Variants in AKR1C1 observed in about 807,000 individuals in gnomAD.
The protein encoded by AKR1C1 is aldo-keto reductase family 1 member C1, also known as 20 alpha-hydroxysteroid dehydrogenase.
Under a neutral mutation model 40.6 loss-of-function variants are expected in AKR1C1, and 32 were observed. That is an observed-to-expected ratio of 0.79 (90% confidence interval 0.60 to 1.06). The LOEUF (loss-of-function observed/expected upper bound fraction) is 1.06, where lower values mean the gene tolerates loss of function less well. Among genes scored for constraint, AKR1C1 ranks in the 50% least tolerant of loss-of-function variants. AKR1C1 has a pLI of 0.00. For missense variants in AKR1C1, 320 were observed against 363.5 expected (o/e 0.88, Z 0.97); for synonymous variants, 105 against 134.2 (o/e 0.78, Z 1.50).
rs368713298 is a variant in AKR1C1, at chr10:4,968,956, C to T, written c.570+12C>T. 177 of 1,614,082 alleles carry T rather than the reference C, an allele frequency of 1.1e-4. No homozygotes were observed. Among genetic ancestry groups the T allele is most frequent in the Non-Finnish European group, 1.4e-4 (162 of 1,180,026 alleles). On this transcript the variant is annotated intron_variant, in intron 5 of 8. Transcript: ENST00000380872. ...CTGTCTGCAACCAGGTGAGCACCCTCAGCCTCCTCTCCTTTCTGTTCTTCA... is the reference window on the plus strand; with the variant it reads ...CTGTCTGCAACCAGGTGAGCACCCTTAGCCTCCTCTCCTTTCTGTTCTTCA...
At chr10:4,965,463 G>A (rs573600458) in intron 1 of AKR1C1, 6 of 152,756 alleles carry the variant, frequency 3.9e-5, no homozygotes, top group African/African-American at 1.4e-4. Context: ...AGTAGAGATG[G>A]AGTTGTTAAC....
intron 5 of AKR1C1, among the ~76,000 whole-genome samples, chr10:4,970,959 A>C (rs1200220108): frequency 3.9e-5 from 6 of 151,920 alleles, no homozygotes; most frequent in African/African-American, 1.5e-4. Flanking sequence ...TTAAAGTATA[A>C]TAAAAAAAAA....
Position 4,972,491 on chromosome 10 carries a change from G to A in AKR1C1, c.681-93G>A, listed in dbSNP as rs1161387943. On this transcript the variant is annotated intron_variant, in intron 6 of 8. Transcript: ENST00000380872. ...TCGGGGGCCTCGCTTGAGAAGCTCCGGTGCAGAGTGGACGCCTTAGTCTGT... is the reference window on the plus strand; with the variant it reads ...TCGGGGGCCTCGCTTGAGAAGCTCCAGTGCAGAGTGGACGCCTTAGTCTGT... 8.2e-5 allele frequency: 132 copies of A among 1,600,220 alleles called. 1 individual carries two copies. The highest frequency in any genetic ancestry group is 1.0e-4 in the Non-Finnish European group (122 of 1,171,834).
intron 1 of AKR1C1, among the ~76,000 whole-genome samples, chr10:4,964,738 T>G (rs1394065788): frequency 6.6e-6 from 1 of 152,248 alleles, no homozygotes; most frequent in Non-Finnish European, 1.5e-5. Flanking sequence ...AATCACTTAC[T>G]CCTTGCAGTC....
intron 1 of AKR1C1, 123 bp downstream of exon 1, chr10:4,963,651 T>C: frequency 1.1e-6 from 1 of 908,086 alleles, no homozygotes; most frequent in Non-Finnish European, 1.8e-6. Context: ...TCAGTCTTTG[T>C]TCTGCAATGC....
intron 5 of AKR1C1, chr10:4,969,772 T>A (rs1836395017): frequency 4.4e-6 from 7 of 1,600,516 alleles, no homozygotes. Flanking sequence ...CATTTCAGCA[T>A]TAAAGTTACT....
rs375752583 is a variant in AKR1C1, at chr10:4,966,946, G to C, written c.272G>C (p.Arg91Pro). The change falls in exon 3 of 9, where the codon CGA becomes CCA. Residue 91 changes from arginine (R) to proline (P), a missense_variant. Physicochemically the swap from Arg to Pro is moderately radical, Grantham distance 103 (BLOSUM62 -2). Around this residue, in one of 3 missense-constraint regions of AKR1C1, gnomAD observed 214 missense variants for 214.8 expected, o/e 1.00. Transcript: ENST00000380872. ...CTGCAGCTTTGGTGCAATTCCCATC[G>C]ACCAGAGTTGGTCCGACCAGCCTTG... is the stretch of plus-strand genomic sequence containing the variant. ...YTSKLWCNSH[R>P]PELVRPALER... 4 of 1,613,294 alleles carry C rather than the reference G, an allele frequency of 2.5e-6. No individual in the cohort carries two copies. Among genetic ancestry groups the C allele is most frequent in the Non-Finnish European group, 2.5e-6 (3 of 1,179,610 alleles).
chr10:4,970,035 G>T, intron 5 of AKR1C1: 1 of 340,002 alleles, frequency 2.9e-6, no homozygotes, highest in Non-Finnish European at 5.5e-6. Context: ...GGAGACCCAT[G>T]TTACCATTTA....
At chr10:4,977,152 A>C (rs564907334) in intron 8 of AKR1C1, among the ~76,000 whole-genome samples, 1 of 152,366 alleles carries the variant, frequency 6.6e-6, no homozygotes, top group South Asian at 2.1e-4. Context: ...TCTGCCTATA[A>C]AATGGTTTAT....
chr10:4,967,403 C>T, intron 3 of AKR1C1: 1 of 1,036,674 alleles, frequency 9.6e-7, no homozygotes, highest in Non-Finnish European at 1.2e-6. Context: ...AAACCTGCTG[C>T]ACATAGGGTG....
rs1554769897 is a variant in AKR1C1, at chr10:4,972,172, T to A, written c.571-29T>A. 9 of 1,613,564 alleles carry A rather than the reference T, an allele frequency of 5.6e-6. No homozygotes were observed. In the South Asian group the frequency reaches 9.9e-5, roughly 18 times the overall value. ...ATATTAGTGTAACTTTTGGATTATC[T>A]GATGCTTTTCCATCTTGCTCGTCTG... On this transcript the variant is annotated intron_variant, in intron 5 of 8. Transcript: ENST00000380872.
chr10:4,965,793 C>T, intron 1 of AKR1C1, 121 bp from the exon 2 acceptor site: 1 of 1,181,418 alleles, frequency 8.5e-7, no homozygotes, highest in South Asian at 1.6e-5. Context: ...GCTCATGATT[C>T]TACATACAGA....
intron 3 of AKR1C1, 157 bp downstream of exon 3, chr10:4,967,200 A>T: frequency 1.0e-6 from 1 of 986,086 alleles, no homozygotes; most frequent in Non-Finnish European, 1.5e-6. Flanking sequence ...TCTATGGGAT[A>T]CATTTTGAAT....
At position 4,977,568 on chromosome 10, in the gene AKR1C1, C is replaced by G. The variant is rs1433904324; in HGVS notation, c.930-132C>G. 3 of 864,668 alleles carry G rather than the reference C, an allele frequency of 3.5e-6. No individual in the cohort carries two copies. The African/African-American group carries it at 5.2e-5, about 15-fold the overall frequency. 53.6% of individuals were successfully genotyped at this position (864,668 alleles called of 1,614,324 possible). On this transcript the variant is annotated intron_variant, in intron 8 of 8. Coordinates refer to ENST00000380872, the MANE Select transcript of AKR1C1 (RefSeq NM_001353.6). Reference sequence around the variant, plus strand: ...GTCACATTCATTAAACAAAGAAACACAGATTCTAGAGCAGTCAGAAAATGA... The same window carrying G: ...GTCACATTCATTAAACAAAGAAACAGAGATTCTAGAGCAGTCAGAAAATGA...
chr10:4,974,311 G>A (rs1221423682), intron 7 of AKR1C1, among the ~76,000 whole-genome samples: 1 of 151,518 alleles, frequency 6.6e-6, no homozygotes, highest in Non-Finnish European at 1.5e-5. Context: ...ACATATATAT[G>A]TATTTATTCT....
Position 4,983,096 on chromosome 10 carries a change from G to C in AKR1C1, c.*5354G>C, listed in dbSNP as rs1269205532. ...CTGGGCTGGATGGCTGGAGGATGAA[G>C]AACTGCACGGAGGAGATGGAGGCAC... On this transcript the variant is annotated 3_prime_UTR_variant, in exon 9 of 9. Transcript: ENST00000380872. 2.1e-5 allele frequency: 7 copies of C among 335,032 alleles called. No individual in the cohort carries two copies. Among genetic ancestry groups the C allele is most frequent in the South Asian group, 9.8e-5 (4 of 40,904 alleles). The allele number at this position is 335,032 out of a possible 1,614,324, so 20.8% of individuals were successfully genotyped here.
At position 4,977,980 on chromosome 10, in the gene AKR1C1, A is replaced by C. The variant is rs1836553510; in HGVS notation, c.*238A>C. 1.1e-5 allele frequency: 6 copies of C among 559,216 alleles called. 1 individual carries two copies. In the South Asian group the frequency reaches 1.6e-4, roughly 15 times the overall value. The allele number at this position is 559,216 out of a possible 1,614,324, so 34.6% of individuals were successfully genotyped here. A position where few individuals can be genotyped will look rare whatever the true frequency, so the allele number is the denominator to read the frequency against. On this transcript the variant is annotated 3_prime_UTR_variant, in exon 9 of 9. Transcript: ENST00000380872. ...ATTCTTCACCTACTTTGGTCTCCATAACTTCTATGTTTTCTTTCCTTCTGA... is the reference window on the plus strand; with the variant it reads ...ATTCTTCACCTACTTTGGTCTCCATCACTTCTATGTTTTCTTTCCTTCTGA...
At chr10:4,974,533 C>T (rs1836495218) in intron 7 of AKR1C1, among the ~76,000 whole-genome samples, 1 of 151,988 alleles carries the variant, frequency 6.6e-6, no homozygotes, top group East Asian at 1.9e-4. Flanking sequence ...TGTTATCTTA[C>T]AAAATTGTTA....
Position 4,976,514 on chromosome 10 carries a change from T to C in AKR1C1, c.929+581T>C, listed in dbSNP as rs374024798. Reference sequence around the variant, plus strand: ...TGCATTTGCCTCCAGAAAGTCTGTCTTAGTGAAGCGAATAGGAGCACTTGG... The same window carrying C: ...TGCATTTGCCTCCAGAAAGTCTGTCCTAGTGAAGCGAATAGGAGCACTTGG... On this transcript the variant is annotated intron_variant, in intron 8 of 8. Transcript: ENST00000380872. Among the ~76,000 whole-genome samples, 4 of 152,296 alleles carry C rather than the reference T, an allele frequency of 2.6e-5. No homozygotes were observed. The East Asian group carries it at 5.8e-4, about 22-fold the overall frequency.
Sources: allele counts gnomAD v4.1 joint callset (sites outside exome capture counted in the v4.1 genomes callset), GRCh38; gene constraint gnomAD v4.1.1; regional missense constraint gnomAD v4.1.1; transcripts MANE v1.5; gene names NCBI Gene and HGNC (gene_info 2026-07-23, HGNC 2026-07-21).